PRKN: variants seen among roughly 807,000 people sequenced by gnomAD.
PRKN encodes E3 ubiquitin-protein ligase parkin.
Under a neutral mutation model 59.5 loss-of-function variants are expected in PRKN, and 56 were observed. The ratio of observed to expected loss-of-function variants is 0.94; its 90% CI spans 0.76 to 1.18. PRKN has a LOEUF of 1.18. Among genes scored for constraint, PRKN ranks in the 50% most tolerant of loss-of-function variants. The probability of loss-of-function intolerance (pLI) is 0.00; values close to 1 mark genes in which losing one functional copy is unlikely to be tolerated. For synonymous variants in PRKN, 250 were observed against 222.1 expected (o/e 1.13, Z -1.12); for missense variants, 657 against 596.4 (o/e 1.10, Z -1.06).
intron 6 of PRKN, among the ~76,000 whole-genome samples, chr6:161,966,301 G>C (rs1780577018): frequency 6.6e-6 from 1 of 151,046 alleles, no homozygotes; most frequent in African/African-American, 2.5e-5. Context: ...TCAATATCTT[G>C]ATAAGGATTT....
chr6:162,297,400 T>C (rs1781730581), intron 2 of PRKN, among the ~76,000 whole-genome samples: 1 of 152,098 alleles, frequency 6.6e-6, no homozygotes, highest in Non-Finnish European at 1.5e-5. Flanking sequence ...CTGTGTCTGA[T>C]ACCATGTAAG....
intron 7 of PRKN, among the ~76,000 whole-genome samples, chr6:161,656,807 T>C (rs1278014315): frequency 6.6e-6 from 1 of 152,182 alleles, no homozygotes; most frequent in African/African-American, 2.4e-5. Flanking sequence ...TCTTATTGAT[T>C]TGTTCTCATG....
chr6:161,976,383 G>A (rs1201461468), intron 5 of PRKN, among the ~76,000 whole-genome samples: 1 of 152,236 alleles, frequency 6.6e-6, no homozygotes, highest in East Asian at 1.9e-4. Context: ...GGAGGCATGT[G>A]TGTGGAGTCT....
rs188074150 is a variant in PRKN at position 161,487,015 on chromosome 6, C to G, written c.1083+61839G>C. Among the ~76,000 whole-genome samples the G allele has an allele frequency of 6.6e-6, 1 of 152,210 alleles. No homozygotes were observed. The highest frequency in any genetic ancestry group is 2.4e-5 in the African/African-American group (1 of 41,540). On this transcript the variant is annotated intron_variant, in intron 9 of 11. Transcript: ENST00000366898. This position sits in a 1 kb window ranked among gnomAD's most constrained non-coding sequence, Gnocchi z 5.3. ...AGAGTTTAGGGGAGGTGTAGCTCGT[C>G]TTCATGGAGGTTAGGGGCAAGTGAG...
intron 7 of PRKN, among the ~76,000 whole-genome samples, chr6:161,744,267 C>T (rs766577210): frequency 1.1e-4 from 17 of 151,194 alleles, no homozygotes; most frequent in Non-Finnish European, 1.6e-4. Context: ...TTCCAAATAA[C>T]CATACATGCA....
At chr6:161,650,979 T>C (rs1784130246) in intron 7 of PRKN, among the ~76,000 whole-genome samples, 1 of 152,262 alleles carries the variant, frequency 6.6e-6, no homozygotes, top group Non-Finnish European at 1.5e-5. Flanking sequence ...ACGTTTATTA[T>C]ATTATAATCT....
rs1372117884 is a variant in PRKN at position 161,456,104 on chromosome 6, G to T, written c.1084-69227C>A. ...GTTAATATTGAGTGTCAACTTGATT[G>T]GATTGAAGGACGCAAAGTATTGTTC... is the stretch of plus-strand genomic sequence containing the variant. On this transcript the variant is annotated intron_variant, in intron 9 of 11. Coordinates refer to ENST00000366898, the MANE Select transcript of PRKN (RefSeq NM_004562.3). The surrounding 1 kb of genome is among the most constrained non-coding windows in gnomAD (Gnocchi z 4.8). 6.6e-6 allele frequency among the ~76,000 whole-genome samples: 1 copy of T among 152,148 alleles called. No homozygotes were observed. Among genetic ancestry groups the T allele is most frequent in the East Asian group, 1.9e-4 (1 of 5,182 alleles).
chr6:162,036,749 CA>C (rs1489995623), intron 5 of PRKN, among the ~76,000 whole-genome samples: 6 of 152,058 alleles, frequency 3.9e-5, no homozygotes, highest in African/African-American at 1.4e-4. Flanking sequence ...AACATATTTT[CA>C]ACATGTATGA....
intron 1 of PRKN, among the ~76,000 whole-genome samples, chr6:162,511,964 C>T (rs775548894): frequency 1.3e-5 from 2 of 152,018 alleles, no homozygotes; most frequent in Admixed American, 6.6e-5. Flanking sequence ...GAGTTGTATA[C>T]AATGGAGAGT....
At chr6:161,929,842 C>T (rs946630742) in intron 6 of PRKN, among the ~76,000 whole-genome samples, 2 of 152,120 alleles carry the variant, frequency 1.3e-5, no homozygotes, top group African/African-American at 4.8e-5. Flanking sequence ...AGGCTCAAAA[C>T]ACTTCCTAAA....
In PRKN at chr6:161,459,772, T is replaced by G. The variant is rs1790122611; in HGVS notation, c.1084-72895A>C. Among the ~76,000 whole-genome samples the G allele has an allele frequency of 6.6e-6, 1 of 152,230 alleles. No individual in the cohort carries two copies. Among genetic ancestry groups the G allele is most frequent in the Admixed American group, 6.5e-5 (1 of 15,290 alleles). Reference sequence around the variant, plus strand: ...TGCTATAATTATAACAGTTCAGTTATTTGGTTTTCTCTTTGTCTCCTTCTT... The same window carrying G: ...TGCTATAATTATAACAGTTCAGTTAGTTGGTTTTCTCTTTGTCTCCTTCTT... On this transcript the variant is annotated intron_variant, in intron 9 of 11. Transcript: ENST00000366898. The surrounding 1 kb of genome is among the most constrained non-coding windows in gnomAD (Gnocchi z 4.8).
In PRKN at chr6:161,468,255, G is replaced by A. The variant is rs915943505; in HGVS notation, c.1083+80599C>T. 2.6e-5 allele frequency among the ~76,000 whole-genome samples: 4 copies of A among 152,008 alleles called. No homozygotes were observed. The highest frequency in any genetic ancestry group is 7.3e-5 in the African/African-American group (3 of 41,376). On this transcript the variant is annotated intron_variant, in intron 9 of 11. Coordinates refer to ENST00000366898, the MANE Select transcript of PRKN (RefSeq NM_004562.3). The surrounding 1 kb of genome is among the most constrained non-coding windows in gnomAD (Gnocchi z 5.9). ...CCCAACGTGCTAGGATTACAGGCAT[G>A]AGCCGCCATGCCCAGCCTCTTACCC...
intron 6 of PRKN, among the ~76,000 whole-genome samples, chr6:161,900,815 T>C (rs1777882088): frequency 7.1e-6 from 1 of 141,636 alleles, no homozygotes; most frequent in Non-Finnish European, 1.5e-5. Context: ...AAATAATATG[T>C]AATATATATT....
At chr6:161,465,055 C>T (rs1436411891) in intron 9 of PRKN, among the ~76,000 whole-genome samples, 1 of 152,214 alleles carries the variant, frequency 6.6e-6, no homozygotes, top group African/African-American at 2.4e-5. Flanking sequence ...GGTTAGAAAG[C>T]CCTTCAATCA....
intron 1 of PRKN, among the ~76,000 whole-genome samples, chr6:162,676,831 G>A (rs542703614): frequency 6.6e-6 from 1 of 152,220 alleles, no homozygotes; most frequent in Non-Finnish European, 1.5e-5. Context: ...GGGAGGCAAG[G>A]CAGGTAGATC....
chr6:162,597,373 G>A (rs1309077011), intron 1 of PRKN, among the ~76,000 whole-genome samples: 3 of 152,044 alleles, frequency 2.0e-5, no homozygotes, highest in Non-Finnish European at 2.9e-5. Context: ...TGTATTTTAC[G>A]AGGTGGAATT....
chr6:162,002,721 T>G (rs1296560865), intron 5 of PRKN, among the ~76,000 whole-genome samples: 1 of 152,152 alleles, frequency 6.6e-6, no homozygotes, highest in African/African-American at 2.4e-5. Flanking sequence ...ACATAGAAAC[T>G]GAGATGATTT....
chr6:161,777,420 C>G (rs778815881), intron 7 of PRKN, among the ~76,000 whole-genome samples: 9 of 151,752 alleles, frequency 5.9e-5, no homozygotes, highest in Non-Finnish European at 1.2e-4. Flanking sequence ...TTCATTGTTG[C>G]CTGGCCATAC....
chr6:161,844,104 G>A (rs1308233988), intron 6 of PRKN, among the ~76,000 whole-genome samples: 1 of 152,114 alleles, frequency 6.6e-6, no homozygotes, highest in East Asian at 1.9e-4. Flanking sequence ...AGTAACTTCT[G>A]GGCAACATAA....
Sources: allele counts gnomAD v4.1 joint callset (sites outside exome capture counted in the v4.1 genomes callset), GRCh38; gene constraint gnomAD v4.1.1; non-coding constraint Gnocchi (gnomAD v3.1); transcripts MANE v1.5; gene names NCBI Gene and HGNC (gene_info 2026-07-23, HGNC 2026-07-21).